The following C7orf78 variants were observed in gnomAD, a reference collection of about 807,000 sequenced individuals.
C7orf78 encodes the protein putative uncharacterized protein C7orf78.
the C7orf78 span, chr7:12,541,622 ATACCAGATGG>A: frequency 1.3e-5 from 2 of 152,126 alleles, no homozygotes; most frequent in East Asian, 1.9e-4. Context: ...GAATCATAGG[ATACCAGATGG>A]TTAGTGATAG....
chr7:12,536,442 G>A, the C7orf78 span, among the ~76,000 whole-genome samples: 1 of 152,114 alleles, frequency 6.6e-6, no homozygotes, highest in Non-Finnish European at 1.5e-5. Flanking sequence ...CCCTGGTCCT[G>A]GCCCATGAAA....
At chr7:12,492,811 T>C in the C7orf78 span, among the ~76,000 whole-genome samples, 4 of 152,232 alleles carry the variant, frequency 2.6e-5, no homozygotes, top group African/African-American at 9.6e-5. Flanking sequence ...TTGCTAGATG[T>C]GAACTGATTC....
chr7:12,540,718 T>C, the C7orf78 span, among the ~76,000 whole-genome samples: 1 of 152,236 alleles, frequency 6.6e-6, no homozygotes, highest in Non-Finnish European at 1.5e-5. Flanking sequence ...GTTGTAGTCA[T>C]GTTCAACCAT....
chr7:12,495,427 T>C, the C7orf78 span, among the ~76,000 whole-genome samples: 14,524 of 152,302 alleles, frequency 0.095, 855 homozygotes, highest in Non-Finnish European at 0.13. Flanking sequence ...CTTATTGTGC[T>C]GATATGTAAT....
chr7:12,517,057 G>A, the C7orf78 span, among the ~76,000 whole-genome samples: 29,010 of 151,872 alleles, frequency 0.19, 3,402 homozygotes, highest in Middle Eastern at 0.26. Context: ...GGCCAGGGGT[G>A]GAATGACATA....
chr7:12,529,049 G>A, the C7orf78 span: 2 of 398,466 alleles, frequency 5.0e-6, no homozygotes, highest in Non-Finnish European at 8.9e-6. Context: ...TATACAGTGA[G>A]TTTGACTTTC....
At chr7:12,534,747 G>A in the C7orf78 span, among the ~76,000 whole-genome samples, 1 of 152,128 alleles carries the variant, frequency 6.6e-6, no homozygotes, top group East Asian at 1.9e-4. Context: ...GAGCCCAGGA[G>A]GCTGAGACCA....
the C7orf78 span, among the ~76,000 whole-genome samples, chr7:12,516,012 G>T: frequency 6.6e-6 from 1 of 152,192 alleles, no homozygotes; most frequent in Non-Finnish European, 1.5e-5. Context: ...CCTGGCTGCA[G>T]AAATTTACAT....
At chr7:12,497,696 A>G in the C7orf78 span, among the ~76,000 whole-genome samples, 1 of 152,174 alleles carries the variant, frequency 6.6e-6, no homozygotes, top group East Asian at 1.9e-4. Context: ...TAGGTAAACA[A>G]AGCAGCTGGG....
the C7orf78 span, among the ~76,000 whole-genome samples, chr7:12,532,713 T>C: frequency 6.6e-6 from 1 of 152,196 alleles, no homozygotes; most frequent in Non-Finnish European, 1.5e-5. Flanking sequence ...TCTAAGTATT[T>C]TATGAATAAC....
chr7:12,520,501 G>A, the C7orf78 span, among the ~76,000 whole-genome samples: 14 of 152,084 alleles, frequency 9.2e-5, no homozygotes, highest in African/African-American at 2.2e-4. Context: ...ATTCAAGAGC[G>A]TGTTGCTTAA....
chr7:12,510,824 T>C, the C7orf78 span, among the ~76,000 whole-genome samples: 2 of 152,218 alleles, frequency 1.3e-5, no homozygotes, highest in African/African-American at 4.8e-5. Flanking sequence ...TTTGCACATA[T>C]TCTCTTCTAT....
chr7:12,520,318 TCTTGA>T, the C7orf78 span, among the ~76,000 whole-genome samples: 4 of 152,270 alleles, frequency 2.6e-5, no homozygotes, highest in African/African-American at 9.6e-5. Context: ...CTAGTCAGCA[TCTTGA>T]AGCTGTCTCT....
chr7:12,503,611 T>C, the C7orf78 span, among the ~76,000 whole-genome samples: 2 of 133,860 alleles, frequency 1.5e-5, no homozygotes, highest in Middle Eastern at 4.2e-3. Flanking sequence ...TTTTCTTTCT[T>C]TTTTTTTTTA....
At chr7:12,518,092 T>C in the C7orf78 span, among the ~76,000 whole-genome samples, 1 of 152,216 alleles carries the variant, frequency 6.6e-6, no homozygotes, top group Admixed American at 6.5e-5. Flanking sequence ...TGATTCTGAA[T>C]GTGTGCAGTA....
At chr7:12,514,313 T>C in the C7orf78 span, among the ~76,000 whole-genome samples, 1 of 152,140 alleles carries the variant, frequency 6.6e-6, no homozygotes, top group African/African-American at 2.4e-5. Flanking sequence ...ATATTCTTTA[T>C]CTTTTATTTT....
chr7:12,513,536 T>G, the C7orf78 span, among the ~76,000 whole-genome samples: 1 of 152,168 alleles, frequency 6.6e-6, no homozygotes, highest in Non-Finnish European at 1.5e-5. Flanking sequence ...TTTGTTTAGT[T>G]TCCATGTATT....
At chr7:12,521,290 T>C in the C7orf78 span, among the ~76,000 whole-genome samples, 3 of 152,088 alleles carry the variant, frequency 2.0e-5, no homozygotes, top group Non-Finnish European at 4.4e-5. Context: ...TATATTATTT[T>C]TTCTTTCTTC....
the C7orf78 span, among the ~76,000 whole-genome samples, chr7:12,516,264 G>A: frequency 6.6e-6 from 1 of 152,210 alleles, no homozygotes; most frequent in Non-Finnish European, 1.5e-5. Flanking sequence ...GGCTTCAGAG[G>A]GTGCAAGCCC....
Sources: allele counts gnomAD v4.1 joint callset (sites outside exome capture counted in the v4.1 genomes callset), GRCh38; gene constraint gnomAD v4.1.1; transcripts MANE v1.5; gene names NCBI Gene and HGNC (gene_info 2026-07-23, HGNC 2026-07-21).